Variants in NR2F1-AS1 observed in about 807,000 individuals in gnomAD.
The protein encoded by NR2F1-AS1 is NR2F1 antisense RNA 1.
At chr5:93,471,533 G>A (rs1294924819) in intron 4 of NR2F1-AS1, among the ~76,000 whole-genome samples, 1 of 151,774 alleles carries the variant, frequency 6.6e-6, no homozygotes, top group Non-Finnish European at 1.5e-5. Flanking sequence ...TTCAGAAAAT[G>A]TATATAAAAT....
chr5:93,541,052 G>C (rs1342366224), intron 4 of NR2F1-AS1, among the ~76,000 whole-genome samples: 1 of 152,102 alleles, frequency 6.6e-6, no homozygotes, highest in African/African-American at 2.4e-5. Context: ...CCACCTCTAA[G>C]TGTCACCTTC....
intron 2 of NR2F1-AS1, among the ~76,000 whole-genome samples, chr5:93,557,735 G>A (rs142883565): frequency 1.8e-3 from 273 of 152,206 alleles, no homozygotes; most frequent in African/African-American, 6.3e-3. Context: ...AGACAATAAA[G>A]TTTGCCCCAT....
At position 93,529,875 on chromosome 5, in the gene NR2F1-AS1, T is replaced by C. The variant is rs141411575; in HGVS notation, n.638+23886A>G. ...TAAGTCTTAAGAGTTTCCAAAGTTT[T>C]TTCACATTAATTGACTCATTGTACC... is the stretch of plus-strand genomic sequence containing the variant. On this transcript the variant is annotated intron_variant and non_coding_transcript_variant, in intron 4 of 5. Coordinates refer to ENST00000660523, the Ensembl canonical transcript of NR2F1-AS1. Among the ~76,000 whole-genome samples the C allele has an allele frequency of 3.7e-3, 564 of 152,248 alleles. 4 individuals are homozygous for C. The highest frequency in any genetic ancestry group is 0.013 in the African/African-American group (535 of 41,544).
At chr5:93,437,368 T>C (rs1008018180) in intron 4 of NR2F1-AS1, among the ~76,000 whole-genome samples, 6 of 152,232 alleles carry the variant, frequency 3.9e-5, no homozygotes, top group Non-Finnish European at 7.3e-5. Flanking sequence ...TTCGATATAT[T>C]GGGTTAAAGT....
chr5:93,572,126 C>T (rs1311297733), intron 1 of NR2F1-AS1, among the ~76,000 whole-genome samples: 3 of 152,222 alleles, frequency 2.0e-5, no homozygotes, highest in Non-Finnish European at 4.4e-5. Context: ...TCTGGACAGA[C>T]TTGGTCTAAA....
At chr5:93,578,413 C>T (rs892145107) in intron 1 of NR2F1-AS1, among the ~76,000 whole-genome samples, 2 of 151,850 alleles carry the variant, frequency 1.3e-5, no homozygotes, top group Middle Eastern at 3.2e-3. Flanking sequence ...GGGAACTACA[C>T]TAAAGATCTA....
In NR2F1-AS1 at chr5:93,519,737, T is replaced by C. The variant is rs1183962514; in HGVS notation, n.638+34024A>G. ...ACAAAAAGAAAAATATCCAACTTGATTCCAAGAAATGTGTGATCTTCTACA... is the reference window on the plus strand; with the variant it reads ...ACAAAAAGAAAAATATCCAACTTGACTCCAAGAAATGTGTGATCTTCTACA... On this transcript the variant is annotated intron_variant and non_coding_transcript_variant, in intron 4 of 5. Coordinates refer to ENST00000660523, the Ensembl canonical transcript of NR2F1-AS1. Among the ~76,000 whole-genome samples, 42 of 152,020 alleles carry C rather than the reference T, an allele frequency of 2.8e-4. 1 individual carries two copies. The highest frequency in any genetic ancestry group is 2.8e-3 in the Admixed American group (42 of 15,236).
chr5:93,526,505 G>T (rs1305804889), intron 4 of NR2F1-AS1, among the ~76,000 whole-genome samples: 3 of 152,024 alleles, frequency 2.0e-5, no homozygotes, highest in Non-Finnish European at 2.9e-5. Context: ...TGAGACCAGG[G>T]TCATCCTGAT....
Position 93,446,471 on chromosome 5 carries a change from AT to A in NR2F1-AS1, n.639-50930del, listed in dbSNP as rs1749709513. On this transcript the variant is annotated intron_variant and non_coding_transcript_variant, in intron 4 of 5. Coordinates refer to ENST00000660523, the Ensembl canonical transcript of NR2F1-AS1. The stretch of plus-strand genomic sequence containing the variant: ...TCGCAATTGCTTCAAAGAGAATAAA[AT>A]ACCTAGGAATCCAACTTATAAGGGG... Among the ~76,000 whole-genome samples, 4 of 152,348 alleles carry A rather than the reference AT, an allele frequency of 2.6e-5. No individual in the cohort carries two copies. The South Asian group carries it at 8.3e-4, about 32-fold the overall frequency.
intron 4 of NR2F1-AS1, among the ~76,000 whole-genome samples, chr5:93,552,885 C>T (rs1752265440): frequency 6.6e-6 from 1 of 151,992 alleles, no homozygotes; most frequent in South Asian, 2.1e-4. Context: ...GTAATTAGTA[C>T]AGCAAAATGA....
At chr5:93,419,327 A>C (rs1749037589) in intron 4 of NR2F1-AS1, among the ~76,000 whole-genome samples, 1 of 152,264 alleles carries the variant, frequency 6.6e-6, no homozygotes, top group Non-Finnish European at 1.5e-5. Flanking sequence ...TTACATGAAA[A>C]GAAATATATC....
chr5:93,565,626 T>C (rs1454888432), intron 1 of NR2F1-AS1, among the ~76,000 whole-genome samples: 1 of 152,044 alleles, frequency 6.6e-6, no homozygotes, highest in African/African-American at 2.4e-5. Flanking sequence ...TCATATACCA[T>C]TTTGTATGAA....
intron 4 of NR2F1-AS1, among the ~76,000 whole-genome samples, chr5:93,484,500 C>A (rs1172644351): frequency 6.6e-6 from 1 of 152,134 alleles, no homozygotes; most frequent in South Asian, 2.1e-4. Context: ...TAAAAACTTA[C>A]CAAATGGTAA....
intron 4 of NR2F1-AS1, among the ~76,000 whole-genome samples, chr5:93,426,071 ACT>A (rs1417065305): frequency 6.6e-6 from 1 of 150,870 alleles, no homozygotes; most frequent in Non-Finnish European, 1.5e-5. Context: ...ATAGAGTCTC[ACT>A]CTGTCACTCT....
chr5:93,561,202 G>A (rs1037923962), intron 2 of NR2F1-AS1, among the ~76,000 whole-genome samples: 3 of 151,510 alleles, frequency 2.0e-5, no homozygotes, highest in Non-Finnish European at 2.9e-5. Context: ...GAACCTCGGA[G>A]GCAGAGGTTG....
chr5:93,481,911 T>C (rs1750607632), intron 4 of NR2F1-AS1, among the ~76,000 whole-genome samples: 1 of 152,030 alleles, frequency 6.6e-6, no homozygotes, highest in Non-Finnish European at 1.5e-5. Flanking sequence ...GCAAAAGCAG[T>C]ATCCAGGGGA....
intron 4 of NR2F1-AS1, among the ~76,000 whole-genome samples, chr5:93,493,322 AT>A (rs1395621069): frequency 6.6e-6 from 1 of 152,082 alleles, no homozygotes; most frequent in Non-Finnish European, 1.5e-5. Flanking sequence ...CCAGGAATAC[AT>A]TTAACCAAGG....
intron 4 of NR2F1-AS1, among the ~76,000 whole-genome samples, chr5:93,503,773 T>C (rs944224313): frequency 6.6e-6 from 1 of 152,198 alleles, no homozygotes; most frequent in Non-Finnish European, 1.5e-5. Flanking sequence ...CCTGAGGGAA[T>C]TAGGTTCATC....
intron 4 of NR2F1-AS1, among the ~76,000 whole-genome samples, chr5:93,467,865 T>A (rs1750273443): frequency 6.6e-6 from 1 of 152,208 alleles, no homozygotes; most frequent in Admixed American, 6.5e-5. Flanking sequence ...TGTCCATGTG[T>A]TCTTATTGTT....
Sources: gnomAD v4.1 joint callset for allele counts (sites outside exome capture counted in the v4.1 genomes callset) on GRCh38, gnomAD v4.1.1 for gene constraint, MANE v1.5 for transcripts, NCBI Gene and HGNC (gene_info 2026-07-23, HGNC 2026-07-21) for gene names.